EPAS1: variants seen among roughly 807,000 people sequenced by gnomAD.
EPAS1 encodes endothelial PAS domain protein 1.
A neutral mutation model predicts 87.9 loss-of-function variants in EPAS1; 23 were observed. That is an observed-to-expected ratio of 0.26 (90% CI 0.19 to 0.37). The LOEUF is 0.37. Among genes scored for constraint, EPAS1 ranks in the 10% least tolerant of loss-of-function variants. EPAS1 has a pLI of 1.00. For synonymous variants in EPAS1, 508 were observed against 444.3 expected, an observed-to-expected ratio of 1.14 and a Z score of -1.80; for missense variants, 1,138 against 1,120.7, an observed-to-expected ratio of 1.02 and a Z score of -0.22.
chr2:46,298,929 A>G (rs990419440), intron 1 of EPAS1, among the ~76,000 whole-genome samples: 1 of 152,082 alleles, frequency 6.6e-6, no homozygotes, highest in Non-Finnish European at 1.5e-5. Flanking sequence ...GTGCGGCCCC[A>G]GTGGCCTGGA....
rs1684978515 is a variant in EPAS1, at chr2:46,384,878, G to A, written c.*218G>A. The A allele has an allele frequency of 1.6e-6, 1 of 610,526 alleles. No individual in the cohort carries two copies. The highest frequency in any genetic ancestry group is 2.8e-6 in the Non-Finnish European group (1 of 353,514). The allele number at this position is 610,526 out of a possible 1,614,324, so 37.8% of individuals were successfully genotyped here. ...AGTACACAATTGTTTTACCTGTTCT[G>A]AAATGTTCTTAAATTTTGTAGGATT... On this transcript the variant is annotated 3_prime_UTR_variant, in exon 16 of 16. Coordinates refer to ENST00000263734, the MANE Select transcript of EPAS1 (RefSeq NM_001430.5).
chr2:46,355,979 C>T (rs1684261373), intron 2 of EPAS1, 172 bp from the exon 3 acceptor site: 2 of 710,062 alleles, frequency 2.8e-6, no homozygotes, highest in Non-Finnish European at 5.0e-6. Context: ...GTCCTCTGTG[C>T]AGTGGTGCCT....
At position 46,380,527 on chromosome 2, in the gene EPAS1, C is replaced by T. The variant is rs745687417; in HGVS notation, c.1855C>T (p.Pro619Ser). The change falls in exon 12 of 16, where the codon CCG (proline) becomes TCG (serine). Residue 619 changes from proline (P) to serine (S), a missense_variant. This residue lies in a region of EPAS1 where 502 missense variants were observed against 427.1 expected (regional missense o/e 1.18). Coordinates refer to ENST00000263734, the MANE Select transcript of EPAS1 (RefSeq NM_001430.5). This position sits in a 1 kb window ranked among gnomAD's most constrained non-coding sequence, Gnocchi z 4.4. ...FDAGSKASLP[P>S]CCGQASTPLS... ...TGCCGGAAGCAAAGCATCCCTGCCA[C>T]CGTGCTGTGGCCAGGCCAGCACCCC... 6.2e-7 allele frequency: 1 copy of T among 1,614,232 alleles called. No homozygotes were observed. Among genetic ancestry groups the T allele is most frequent in the Non-Finnish European group, 8.5e-7 (1 of 1,180,044 alleles).
Position 46,381,973 on chromosome 2 carries a change from AG to A in EPAS1, c.2176del. ...CTTTCCATCTGCCCTTCTTACTCCC[AG>A]GGGGACCCACCTGGTGGCAGCACCT... On this transcript the variant is annotated splice_acceptor_variant, in intron 13 of 15. Coordinates refer to ENST00000263734, the MANE Select transcript of EPAS1 (RefSeq NM_001430.5). LOFTEE classifies it high-confidence loss of function. 6.7e-7 allele frequency: 1 copy of A among 1,499,808 alleles called. No individual in the cohort carries two copies. The highest frequency in any genetic ancestry group is 9.0e-7 in the Non-Finnish European group (1 of 1,115,880). The allele number at this position is 1,499,808 out of a possible 1,614,324, so 92.9% of individuals were successfully genotyped here. A position where few individuals can be genotyped will look rare whatever the true frequency, so the allele number is the denominator to read the frequency against.
At chr2:46,358,045 T>G (rs984951470) in intron 4 of EPAS1, among the ~76,000 whole-genome samples, 26 of 152,252 alleles carry the variant, frequency 1.7e-4, no homozygotes, top group Admixed American at 1.1e-3. Context: ...CACCTGTCAC[T>G]GCCATGGGGC....
chr2:46,350,652 A>G (rs948042428), intron 2 of EPAS1, among the ~76,000 whole-genome samples: 3 of 152,238 alleles, frequency 2.0e-5, no homozygotes, highest in Non-Finnish European at 4.4e-5. Flanking sequence ...ACAAACCATG[A>G]GCGAATCAGG....
intron 1 of EPAS1, among the ~76,000 whole-genome samples, chr2:46,327,375 G>A (rs1015723007): frequency 1.3e-5 from 2 of 150,972 alleles, no homozygotes; most frequent in African/African-American, 2.5e-5. Context: ...TAAAAGCTAG[G>A]TGGTATGGGC....
chr2:46,384,618 G>A lies in EPAS1; in HGVS notation c.2571G>A (p.Leu857=), dbSNP rs1402977001. ...NVPVLGSSTL[L]QGGDLLRALD... ...CCGTGCTGGGAAGCTCCACGCTCCT[G>A]CAAGGAGGGGACCTCCTCAGAGCCC... Residue 857 remains leucine, a synonymous_variant, in exon 16 of 16, where the codon CTG becomes CTA. Transcript: ENST00000263734. 6.2e-7 allele frequency: 1 copy of A among 1,614,088 alleles called. No individual in the cohort carries two copies.
chr2:46,355,240 T>C (rs1001152042), intron 2 of EPAS1, among the ~76,000 whole-genome samples: 1 of 152,248 alleles, frequency 6.6e-6, no homozygotes, highest in African/African-American at 2.4e-5. Flanking sequence ...TTAGGCACTT[T>C]ACGTACTTAT....
At chr2:46,326,071 G>C (rs531973143) in intron 1 of EPAS1, among the ~76,000 whole-genome samples, 2 of 152,214 alleles carry the variant, frequency 1.3e-5, no homozygotes. Flanking sequence ...AAATGGAAAT[G>C]ATTCTGTGCT....
At chr2:46,336,834 A>G (rs999415446) in intron 1 of EPAS1, among the ~76,000 whole-genome samples, 2 of 152,228 alleles carry the variant, frequency 1.3e-5, no homozygotes, top group Non-Finnish European at 2.9e-5. Context: ...CACTGTAACA[A>G]GATCCCTGGG....
rs376808730 is a variant in EPAS1, at chr2:46,360,801, A to G, written c.573+45A>G. 1.7e-5 allele frequency: 27 copies of G among 1,612,492 alleles called. No homozygotes were observed. The Admixed American group carries it at 2.3e-4, about 14-fold the overall frequency. On this transcript the variant is annotated intron_variant, in intron 5 of 15. Coordinates refer to ENST00000263734, the MANE Select transcript of EPAS1 (RefSeq NM_001430.5). This position sits in a 1 kb window ranked among gnomAD's most constrained non-coding sequence, Gnocchi z 4.5. Reference sequence around the variant, plus strand: ...GGGTTGGAGTCCCAGGTGTAGGGTAACGGCGGTGCAGGGGATGCCTAAGGC... The same window carrying G: ...GGGTTGGAGTCCCAGGTGTAGGGTAGCGGCGGTGCAGGGGATGCCTAAGGC...
chr2:46,346,903 C>T lies in EPAS1; in HGVS notation c.57C>T (p.Ser19=), dbSNP rs1186911662. ...GCTCGGAGAGGAGGAAGGAGAAGTC[C>T]CGGGATGCTGCGCGGTGCCGGCGGA... ...RSSSERRKEK[S]RDAARCRRSK... is the part of the protein sequence containing the mutation. The change falls in exon 2 of 16, where the codon TCC becomes TCT. Residue 19 remains serine (S), a synonymous_variant. Coordinates refer to ENST00000263734, the MANE Select transcript of EPAS1 (RefSeq NM_001430.5). This position sits in a 1 kb window ranked among gnomAD's most constrained non-coding sequence, Gnocchi z 4.0. 1 of 1,614,050 alleles carries T rather than the reference C, an allele frequency of 6.2e-7. No homozygotes were observed. The highest frequency in any genetic ancestry group is 1.1e-5 in the South Asian group (1 of 91,088).
chr2:46,330,907 C>G (rs1436167528), intron 1 of EPAS1, among the ~76,000 whole-genome samples: 1 of 152,086 alleles, frequency 6.6e-6, no homozygotes, highest in Non-Finnish European at 1.5e-5. Flanking sequence ...AAATTCACAA[C>G]TGGGGAAACC....
intron 6 of EPAS1, among the ~76,000 whole-genome samples, chr2:46,365,946 G>T (rs1684490939): frequency 6.6e-6 from 1 of 152,238 alleles, no homozygotes; most frequent in Admixed American, 6.5e-5. Context: ...AAACAAATAG[G>T]TGGTTACAAA....
rs1046235137 is a variant in EPAS1 at position 46,377,935 on chromosome 2, A to T, written c.1291A>T (p.Ile431Phe). The T allele has an allele frequency of 3.9e-6, 6 of 1,555,846 alleles. No homozygotes were observed. Among genetic ancestry groups the T allele is most frequent in the Non-Finnish European group, 5.2e-6 (6 of 1,149,312 alleles). The change falls in exon 10 of 16, where the codon ATC becomes TTC. Residue 431 changes from isoleucine (I) to phenylalanine (F), a missense_variant. Physicochemically the swap from Ile to Phe is conservative, Grantham distance 21. Coordinates refer to ENST00000263734, the MANE Select transcript of EPAS1 (RefSeq NM_001430.5). ...FEESSAYGKAILPPSQPWATE... is the reference protein window; with the variant it reads ...FEESSAYGKAFLPPSQPWATE... ...GGAGTCCTCAGCCTATGGCAAGGCC[A>T]TCCTGCCCCCGAGCCAGCCATGGGC...
chr2:46,362,915 C>G (rs1684422873), intron 6 of EPAS1, among the ~76,000 whole-genome samples: 1 of 147,374 alleles, frequency 6.8e-6, no homozygotes. Context: ...GCCTTCCGTC[C>G]TGGAACTTCG....
chr2:46,352,103 T>C (rs1684174003), intron 2 of EPAS1, among the ~76,000 whole-genome samples: 1 of 152,178 alleles, frequency 6.6e-6, no homozygotes, highest in Non-Finnish European at 1.5e-5. Flanking sequence ...ACCTCTGGTT[T>C]TAATGAGCCA....
chr2:46,305,376 A>C (rs1572612073), intron 1 of EPAS1, among the ~76,000 whole-genome samples: 2 of 152,160 alleles, frequency 1.3e-5, no homozygotes, highest in East Asian at 3.8e-4. Context: ...TGCAGGGGCC[A>C]CTTGTACGTC....
Sources: gnomAD v4.1 joint callset for allele counts (sites outside exome capture counted in the v4.1 genomes callset) on GRCh38, gnomAD v4.1.1 for gene constraint, gnomAD v4.1.1 regional missense constraint, Gnocchi (gnomAD v3.1) non-coding constraint, MANE v1.5 for transcripts, NCBI Gene and HGNC (gene_info 2026-07-23, HGNC 2026-07-21) for gene names.